ASAH2: variants seen among roughly 807,000 people sequenced by gnomAD.
ASAH2 encodes N-acylsphingosine amidohydrolase 2, also known as neutral ceramidase.
Under a neutral mutation model 82.9 loss-of-function variants are expected in ASAH2, and 58 were observed. The observed-to-expected ratio is 0.70, with a 90% CI of 0.57 to 0.87. The LOEUF is 0.87. Ranked by LOEUF, ASAH2 falls within the 40% of genes least tolerant of loss-of-function variation. The pLI is 0.00. For synonymous variants in ASAH2, 276 were observed against 289.7 expected (o/e 0.95, Z 0.48); for missense variants, 779 against 834.0 (o/e 0.93, Z 0.81).
intron 11 of ASAH2, 59 bp from the exon 12 acceptor site, chr10:50,210,963 G>A: frequency 6.2e-7 from 1 of 1,600,892 alleles, no homozygotes. Flanking sequence ...TAAACTGAAA[G>A]TAAATAATGA....
intron 12 of ASAH2, among the ~76,000 whole-genome samples, chr10:50,208,700 C>G (rs1845375527): frequency 6.6e-6 from 1 of 152,020 alleles, no homozygotes; most frequent in Non-Finnish European, 1.5e-5. Flanking sequence ...GTACGTGGAT[C>G]AGATTACATA....
chr10:50,185,263 T>C lies in ASAH2; in HGVS notation c.*2052A>G, dbSNP rs1160571280. ...ACAGGTAAAGAACTGATATTGATAA[T>C]CCAGGAATTTGGTTTTATTTTTACA... On this transcript the variant is annotated 3_prime_UTR_variant, in exon 21 of 21. Transcript: ENST00000682911. 3 of 150,084 alleles carry C rather than the reference T, an allele frequency of 2.0e-5. No individual in the cohort carries two copies. Among genetic ancestry groups the C allele is most frequent in the Non-Finnish European group, 4.4e-5 (3 of 67,446 alleles). 9.3% of individuals were successfully genotyped at this position (150,084 alleles called of 1,614,324 possible).
intron 12 of ASAH2, among the ~76,000 whole-genome samples, chr10:50,208,043 A>G (rs1845350192): frequency 6.6e-6 from 1 of 152,018 alleles, no homozygotes; most frequent in Admixed American, 6.6e-5. Flanking sequence ...CAACATATTA[A>G]TATAATTTTT....
chr10:50,251,086 G>T (rs980318383), intron 1 of ASAH2, among the ~76,000 whole-genome samples: 2 of 152,144 alleles, frequency 1.3e-5, no homozygotes, highest in Non-Finnish European at 2.9e-5. Context: ...AACACTCCTT[G>T]GTAGAGCTAA....
intron 7 of ASAH2, among the ~76,000 whole-genome samples, chr10:50,228,823 G>T (rs1845956205): frequency 6.6e-6 from 1 of 152,014 alleles, no homozygotes; most frequent in Non-Finnish European, 1.5e-5. Context: ...GGAGGAGGAA[G>T]AAGAAAAGAA....
At chr10:50,194,558 C>A (rs1351924306) in intron 18 of ASAH2, among the ~76,000 whole-genome samples, 1 of 150,746 alleles carries the variant, frequency 6.6e-6, no homozygotes, top group African/African-American at 2.4e-5. Flanking sequence ...CGATTGGAAA[C>A]AAGACAAGAG....
At chr10:50,247,786 A>G (rs1283078910) in intron 2 of ASAH2, among the ~76,000 whole-genome samples, 1 of 152,116 alleles carries the variant, frequency 6.6e-6, no homozygotes, top group African/African-American at 2.4e-5. Flanking sequence ...CCCACTGCCA[A>G]TCTTTGTGTA....
chr10:50,228,840 G>A (rs1414991339), intron 7 of ASAH2, among the ~76,000 whole-genome samples: 1 of 151,852 alleles, frequency 6.6e-6, no homozygotes, highest in Non-Finnish European at 1.5e-5. Flanking sequence ...AGAAGAGGAA[G>A]GAGAAGGAGA....
At chr10:50,215,922 C>G (rs1471758027) in intron 8 of ASAH2, among the ~76,000 whole-genome samples, 2 of 152,090 alleles carry the variant, frequency 1.3e-5, no homozygotes, top group Admixed American at 6.6e-5. Context: ...AAATGCCCAT[C>G]AATGATAGAC....
chr10:50,198,396 G>A (rs899866188), intron 17 of ASAH2: 13 of 152,338 alleles, frequency 8.5e-5, no homozygotes, highest in African/African-American at 2.9e-4. Flanking sequence ...CTTGTTCAGC[G>A]GTATATATTT....
At chr10:50,237,003 T>G (rs977973833) in intron 4 of ASAH2, among the ~76,000 whole-genome samples, 2 of 152,066 alleles carry the variant, frequency 1.3e-5, no homozygotes, top group African/African-American at 4.8e-5. Flanking sequence ...AAGAAAAACA[T>G]TGTTGCATAA....
intron 3 of ASAH2, 44 bp from the exon 4 acceptor site, chr10:50,243,395 T>A: frequency 6.3e-7 from 1 of 1,591,490 alleles, no homozygotes; most frequent in Non-Finnish European, 8.6e-7. Flanking sequence ...CTCATTCCCC[T>A]GCTACTAGAA....
intron 14 of ASAH2, 100 bp downstream of exon 14, chr10:50,204,761 C>G (rs1845250093): frequency 2.1e-6 from 2 of 941,738 alleles, no homozygotes; most frequent in Non-Finnish European, 3.4e-6. Context: ...AGTAGGATAC[C>G]AAGGGGTCAA....
At chr10:50,200,725 G>T (rs1192886835) in intron 16 of ASAH2, among the ~76,000 whole-genome samples, 1 of 152,054 alleles carries the variant, frequency 6.6e-6, no homozygotes, top group Non-Finnish European at 1.5e-5. Context: ...AAAGTGGCTA[G>T]CACAGTATCT....
chr10:50,229,101 G>A (rs943590184), intron 7 of ASAH2, among the ~76,000 whole-genome samples: 152 of 152,192 alleles, frequency 1.0e-3, no homozygotes, highest in Non-Finnish European at 1.9e-3. Context: ...TTTTGATGTA[G>A]ACATTTGAAA....
At chr10:50,222,400 G>A (rs899228738) in intron 7 of ASAH2, among the ~76,000 whole-genome samples, 4 of 151,882 alleles carry the variant, frequency 2.6e-5, no homozygotes, top group African/African-American at 9.7e-5. Flanking sequence ...TACTTCAGCC[G>A]CCCAAGTAGC....
rs756504612 is a variant in ASAH2, at chr10:50,243,171, CTTCA to C, written c.510+27_510+30del. ...CACTTTTCCTTAAACCATATCATTT[CTTCA>C]TTCATTTCTCCTCTCAAATCACTTA... On this transcript the variant is annotated intron_variant, in intron 4 of 20. Transcript: ENST00000682911. 2.5e-5 allele frequency: 41 copies of C among 1,610,024 alleles called. No homozygotes were observed. The South Asian group carries it at 3.2e-4, about 13-fold the overall frequency.
chr10:50,202,557 C>T (rs1845179235), intron 16 of ASAH2, among the ~76,000 whole-genome samples: 2 of 152,086 alleles, frequency 1.3e-5, no homozygotes, highest in Non-Finnish European at 2.9e-5. Context: ...TTTTATGCCA[C>T]AACCCAGGCT....
chr10:50,241,463 G>A (rs2133230668), intron 4 of ASAH2, among the ~76,000 whole-genome samples: 1 of 151,990 alleles, frequency 6.6e-6, no homozygotes, highest in Admixed American at 6.6e-5. Flanking sequence ...ATATTTAGTT[G>A]TGTGTCCCCT....
Sources: allele counts gnomAD v4.1 joint callset (sites outside exome capture counted in the v4.1 genomes callset), GRCh38; gene constraint gnomAD v4.1.1; transcripts MANE v1.5; gene names NCBI Gene and HGNC (gene_info 2026-07-23, HGNC 2026-07-21).